Variants in ZNF384 observed in about 807,000 individuals in gnomAD.
The protein encoded by ZNF384 is CAG repeat protein 1.
ZNF384 carries 20 observed loss-of-function variants against 65.0 expected under a neutral mutation model. The observed-to-expected ratio is 0.31, with a 90% CI of 0.22 to 0.45. The LOEUF is 0.45. Among genes scored for constraint, ZNF384 ranks in the 20% least tolerant of loss-of-function variants. The probability of loss-of-function intolerance (pLI) is 1.00; values close to 1 mark genes in which losing one functional copy is unlikely to be tolerated. For synonymous variants in ZNF384, 310 were observed against 303.9 expected, an observed-to-expected ratio of 1.02 and a Z score of -0.21; for missense variants, 549 against 769.4, an observed-to-expected ratio of 0.71 and a Z score of 3.39.
In ZNF384 at chr12:6,678,892, G is replaced by A. The variant is rs767016892; in HGVS notation, c.304+54C>T. On this transcript the variant is annotated intron_variant, in intron 4 of 11. Transcript: ENST00000683879. The surrounding 1 kb of genome is among the most constrained non-coding windows in gnomAD (Gnocchi z 4.9). ...TGTCCTTGGAGCCCTCCAGCCTGGGGTACTGATCATGGAAGATCAACACCT... is the reference window on the plus strand; with the variant it reads ...TGTCCTTGGAGCCCTCCAGCCTGGGATACTGATCATGGAAGATCAACACCT... The A allele has an allele frequency of 5.7e-6, 9 of 1,576,392 alleles. No individual in the cohort carries two copies. In the Admixed American group the frequency reaches 8.4e-5, roughly 15 times the overall value.
At chr12:6,677,341 C>A in intron 6 of ZNF384, 82 bp from the exon 7 acceptor site, 1 of 1,222,756 alleles carries the variant, frequency 8.2e-7, no homozygotes, top group Non-Finnish European at 1.0e-6. Flanking sequence ...CACATCTGCC[C>A]CTGTCTATAT....
intron 6 of ZNF384, among the ~76,000 whole-genome samples, chr12:6,677,872 A>G (rs960991202): frequency 1.3e-5 from 2 of 152,220 alleles, no homozygotes; most frequent in Non-Finnish European, 2.9e-5. Flanking sequence ...CTCTGTTACT[A>G]AAAAATTAGT....
In ZNF384 at chr12:6,678,775, G is replaced by A; in HGVS notation, c.305-65C>T. On this transcript the variant is annotated intron_variant, in intron 4 of 11. Coordinates refer to ENST00000683879, the MANE Select transcript of ZNF384 (RefSeq NM_001385745.1). The surrounding 1 kb of genome is among the most constrained non-coding windows in gnomAD (Gnocchi z 4.9). ...CAGGGACCGCATCTTCTACTTCTTT[G>A]TATCCCCCACAATGCCTAGCACATT... 3.2e-6 allele frequency: 5 copies of A among 1,576,800 alleles called. No homozygotes were observed. The highest frequency in any genetic ancestry group is 4.4e-6 in the Non-Finnish European group (5 of 1,147,494).
chr12:6,678,622 C>T lies in ZNF384; in HGVS notation c.352+41G>A, dbSNP rs374432733. On this transcript the variant is annotated intron_variant, in intron 5 of 11. Coordinates refer to ENST00000683879, the MANE Select transcript of ZNF384 (RefSeq NM_001385745.1). The surrounding 1 kb of genome is among the most constrained non-coding windows in gnomAD (Gnocchi z 4.9). ...AACCCTGTAGAAAAATAATGGTCTC[C>T]TAACCCTTGTCCCCACCCCCCTGGT... 1 of 1,609,682 alleles carries T rather than the reference C, an allele frequency of 6.2e-7. No homozygotes were observed. The highest frequency in any genetic ancestry group is 8.5e-7 in the Non-Finnish European group (1 of 1,177,450).
rs1188023905 is a variant in ZNF384 at position 6,689,116 on chromosome 12, G to A, written c.-84C>T. 2.0e-5 allele frequency: 3 copies of A among 152,572 alleles called. No individual in the cohort carries two copies. Among genetic ancestry groups the A allele is most frequent in the Admixed American group, 2.0e-4 (3 of 15,290 alleles). 9.5% of individuals were successfully genotyped at this position (152,572 alleles called of 1,614,324 possible). ...GACTCACCGGGCGGCGACGGCTGCG[G>A]CGGCGCCAGAGCCTGAGCCAGGGCG... On this transcript the variant is annotated 5_prime_UTR_variant, in exon 1 of 12. Transcript: ENST00000683879.
At chr12:6,684,861 T>C (rs1360709874) in intron 2 of ZNF384, among the ~76,000 whole-genome samples, 1 of 152,150 alleles carries the variant, frequency 6.6e-6, no homozygotes, top group African/African-American at 2.4e-5. Context: ...TAACAGGGCG[T>C]TCTGGGGCCA....
chr12:6,672,343 C>T lies in ZNF384; in HGVS notation c.1187+7G>A, dbSNP rs766931511. On this transcript the variant is annotated splice_region_variant and intron_variant, in intron 9 of 11. Transcript: ENST00000683879. The surrounding 1 kb of genome is among the most constrained non-coding windows in gnomAD (Gnocchi z 4.4). ...GGCGGGGTCAGTAGCCCGCCACTCTCCCTTACCGTGTGTGCTGCTGGAGGT... is the reference window on the plus strand; with the variant it reads ...GGCGGGGTCAGTAGCCCGCCACTCTTCCTTACCGTGTGTGCTGCTGGAGGT... 1.2e-6 allele frequency: 2 copies of T among 1,612,662 alleles called. No individual in the cohort carries two copies. The highest frequency in any genetic ancestry group is 2.7e-5 in the African/African-American group (2 of 74,944).
intron 7 of ZNF384, among the ~76,000 whole-genome samples, chr12:6,676,954 G>A (rs977292369): frequency 2.6e-5 from 4 of 152,084 alleles, no homozygotes; most frequent in African/African-American, 7.2e-5. Flanking sequence ...TATAAAGAGC[G>A]GTTTAAACAC....
rs760385794 is a variant in ZNF384 at position 6,672,334 on chromosome 12, C to A, written c.1187+16G>T. 23 of 1,609,012 alleles carry A rather than the reference C, an allele frequency of 1.4e-5. No individual in the cohort carries two copies. The highest frequency in any genetic ancestry group is 2.5e-6 in the Non-Finnish European group (3 of 1,177,320). ...TGCCAGCGGGGCGGGGTCAGTAGCC[C>A]GCCACTCTCCCTTACCGTGTGTGCT... On this transcript the variant is annotated intron_variant, in intron 9 of 11. Transcript: ENST00000683879. The surrounding 1 kb of genome is among the most constrained non-coding windows in gnomAD (Gnocchi z 4.4).
rs1950092960 is a variant in ZNF384, at chr12:6,667,796, T to C, written c.1745A>G (p.Tyr582Cys). 1.2e-6 allele frequency: 2 copies of C among 1,614,234 alleles called. No homozygotes were observed. The highest frequency in any genetic ancestry group is 1.7e-6 in the Non-Finnish European group (2 of 1,180,038). ...GTCCTTATGATGCTCCGCCGTCTTA[T>C]ACGGGGTCAGGTCAAAGGAACACTG... Reference protein sequence around the residue: ...PPQCSFDLTPYKTAEHHKDIC... With the variant: ...PPQCSFDLTPCKTAEHHKDIC... The change falls in exon 12 of 12, where the codon TAT (tyrosine) becomes TGT (cysteine). Residue 582 changes from tyrosine to cysteine, a missense_variant. Physicochemically the swap from Tyr to Cys is radical, Grantham distance 194. Around this residue, in one of 5 missense-constraint regions of ZNF384, gnomAD observed 136 missense variants for 183.0 expected, o/e 0.74. Coordinates refer to ENST00000683879, the MANE Select transcript of ZNF384 (RefSeq NM_001385745.1).
At chr12:6,679,610 T>G in intron 2 of ZNF384, 85 bp from the exon 3 acceptor site, 2 of 1,006,182 alleles carry the variant, frequency 2.0e-6, no homozygotes, top group Non-Finnish European at 3.1e-6. Context: ...GAAGAGTTCC[T>G]GGTCTCCTCT....
intron 9 of ZNF384, chr12:6,671,869 TG>T (rs1283469647): frequency 6.5e-6 from 1 of 154,818 alleles, no homozygotes; most frequent in Non-Finnish European, 1.4e-5. Flanking sequence ...TCTCTACTCC[TG>T]GCATCCCTCA....
Position 6,678,461 on chromosome 12 carries a change from C to A in ZNF384, c.353-1G>T. The A allele has an allele frequency of 6.3e-7, 1 of 1,576,592 alleles. No individual in the cohort carries two copies. Among genetic ancestry groups the A allele is most frequent in the African/African-American group, 1.3e-5 (1 of 74,274 alleles). On this transcript the variant is annotated splice_acceptor_variant, in intron 5 of 11. Transcript: ENST00000683879. LOFTEE classifies it high-confidence loss of function. This position sits in a 1 kb window ranked among gnomAD's most constrained non-coding sequence, Gnocchi z 4.9. ...GGGGACGTGATTACCAAACCCGGAC[C>A]TAGGATTGGGAGAAAAAGGAGATGG...
intron 2 of ZNF384, among the ~76,000 whole-genome samples, chr12:6,685,322 C>A (rs201295680): frequency 6.8e-5 from 10 of 146,306 alleles, no homozygotes; most frequent in Non-Finnish European, 7.5e-5. Flanking sequence ...GACCCTGTCT[C>A]AAAAAGAAAA....
intron 9 of ZNF384, among the ~76,000 whole-genome samples, chr12:6,671,130 C>T (rs1951327028): frequency 6.6e-6 from 1 of 152,222 alleles, no homozygotes. Flanking sequence ...TCAGCTCCTA[C>T]AGTAACTGTC....
chr12:6,675,295 T>C (rs1953066213), intron 7 of ZNF384, among the ~76,000 whole-genome samples: 1 of 152,322 alleles, frequency 6.6e-6, no homozygotes, highest in Non-Finnish European at 1.5e-5. Context: ...TTCAGACACA[T>C]TGTTTCTACT....
intron 2 of ZNF384, among the ~76,000 whole-genome samples, 174 bp downstream of exon 2, chr12:6,687,993 C>T (rs1190154044): frequency 6.6e-6 from 1 of 152,172 alleles, no homozygotes; most frequent in African/African-American, 2.4e-5. Flanking sequence ...CAAAAACTTC[C>T]TGACCCTCAA....
At chr12:6,680,047 T>G (rs948487189) in intron 2 of ZNF384, among the ~76,000 whole-genome samples, 2 of 152,238 alleles carry the variant, frequency 1.3e-5, no homozygotes, top group African/African-American at 4.8e-5. Context: ...GGCACAATCA[T>G]AGCTCACTGC....
At chr12:6,669,576 T>C (rs1950716258) in intron 10 of ZNF384, among the ~76,000 whole-genome samples, 1 of 151,922 alleles carries the variant, frequency 6.6e-6, no homozygotes, top group Non-Finnish European at 1.5e-5. Flanking sequence ...CTCGGCTCAT[T>C]GCAACCTCCG....
Sources: gnomAD v4.1 joint callset for allele counts (sites outside exome capture counted in the v4.1 genomes callset) on GRCh38, gnomAD v4.1.1 for gene constraint, gnomAD v4.1.1 regional missense constraint, Gnocchi (gnomAD v3.1) non-coding constraint, MANE v1.5 for transcripts, NCBI Gene and HGNC (gene_info 2026-07-23, HGNC 2026-07-21) for gene names.